The following PGM5 variants were observed in gnomAD, a reference collection of about 807,000 sequenced individuals.
PGM5 encodes phosphoglucomutase-like protein 5.
A neutral mutation model predicts 59.2 loss-of-function variants in PGM5; 23 were observed. That is an observed-to-expected ratio of 0.39 (90% CI 0.28 to 0.55). The LOEUF is 0.55. Ranked by LOEUF, PGM5 falls within the 20% of genes least tolerant of loss-of-function variation. The pLI is 0.66. For missense variants in PGM5, 574 were observed against 748.3 expected (o/e 0.77, Z 2.72); for synonymous variants, 214 against 286.0 (o/e 0.75, Z 2.54).
rs1824246120 is a variant in PGM5 at position 68,484,035 on chromosome 9, T to A, written c.1466T>A (p.Val489Glu). Residue 489 changes from valine (V) to glutamate (E), a missense_variant, in exon 9 of 11, where the codon GTG becomes GAG. Around this residue, in one of 7 missense-constraint regions of PGM5, gnomAD observed 300 missense variants for 280.0 expected, o/e 1.07. Transcript: ENST00000396396. ...FEYVDPVDGT[V>E]TKKQGLRIIF... ...TACGTGGACCCTGTGGATGGCACTG[T>A]GACCAAGAAACAGGTACTTGCTAGG... 6.2e-7 allele frequency: 1 copy of A among 1,613,290 alleles called. No homozygotes were observed. Among genetic ancestry groups the A allele is most frequent in the Admixed American group, 1.7e-5 (1 of 60,010 alleles).
chr9:68,461,357 T>C lies in PGM5; in HGVS notation c.1044-3736T>C, dbSNP rs1319064336. Among the ~76,000 whole-genome samples, 3 of 152,200 alleles carry C rather than the reference T, an allele frequency of 2.0e-5. No individual in the cohort carries two copies. In the East Asian group the frequency reaches 5.8e-4, roughly 29 times the overall value. Reference sequence around the variant, plus strand: ...AACTCAGTCACATGGCCACAGCTAATTTCAAGGGAGGTTGAGAACTACAGT... The same window carrying C: ...AACTCAGTCACATGGCCACAGCTAACTTCAAGGGAGGTTGAGAACTACAGT... On this transcript the variant is annotated intron_variant, in intron 6 of 10. Transcript: ENST00000396396.
intron 10 of PGM5, among the ~76,000 whole-genome samples, chr9:68,516,420 A>C (rs1176155148): frequency 6.6e-6 from 1 of 152,188 alleles, no homozygotes; most frequent in Non-Finnish European, 1.5e-5. Context: ...GCCCTTTCTT[A>C]GAAGGCTGTA....
At chr9:68,511,272 T>C (rs1824745062) in intron 10 of PGM5, among the ~76,000 whole-genome samples, 1 of 152,208 alleles carries the variant, frequency 6.6e-6, no homozygotes, top group African/African-American at 2.4e-5. Flanking sequence ...GAATTTGGTA[T>C]CTTACTGCTA....
chr9:68,486,303 C>T (rs920633605), intron 9 of PGM5, among the ~76,000 whole-genome samples: 13 of 151,952 alleles, frequency 8.6e-5, no homozygotes, highest in Middle Eastern at 3.2e-3. Context: ...AGATGGTTCT[C>T]TCATTTAAAG....
Position 68,451,553 on chromosome 9 carries a change from G to A in PGM5, c.1044-13540G>A, listed in dbSNP as rs956324819. ...TATTTTTGGTATGATATGGGATGGGGCCTCATAAACACACATTCAGAGAGT... is the reference window on the plus strand; with the variant it reads ...TATTTTTGGTATGATATGGGATGGGACCTCATAAACACACATTCAGAGAGT... On this transcript the variant is annotated intron_variant, in intron 6 of 10. Transcript: ENST00000396396. Among the ~76,000 whole-genome samples the A allele has an allele frequency of 3.9e-5, 6 of 152,290 alleles. 1 individual carries two copies. The highest frequency in any genetic ancestry group is 3.9e-4 in the Admixed American group (6 of 15,300).
intron 6 of PGM5, among the ~76,000 whole-genome samples, chr9:68,438,014 G>T (rs115399274): frequency 0.024 from 3,597 of 152,214 alleles, 130 homozygotes; most frequent in African/African-American, 0.08. Context: ...CTGGCCAGGC[G>T]AGGTGGCTCA....
intron 4 of PGM5, 121 bp from the exon 5 acceptor site, chr9:68,391,408 TAAAAC>T (rs1822360486): frequency 1.3e-6 from 1 of 751,740 alleles, no homozygotes; most frequent in Non-Finnish European, 2.1e-6. Context: ...ATTGTATCTT[TAAAAC>T]GATTGTAAAT....
intron 7 of PGM5, among the ~76,000 whole-genome samples, chr9:68,469,583 A>G (rs1554686097): frequency 1.3e-5 from 2 of 152,166 alleles, no homozygotes; most frequent in East Asian, 3.9e-4. Flanking sequence ...GTGTGTGTGT[A>G]TTCTGTGTCA....
intron 1 of PGM5, among the ~76,000 whole-genome samples, chr9:68,376,787 T>TTCTTTC (rs1455596476): frequency 9.7e-6 from 1 of 103,092 alleles, no homozygotes; most frequent in Non-Finnish European, 2.0e-5. Context: ...CTTTCTTTCT[T>TTCTTTC]TCTTTCTTTC....
chr9:68,513,548 C>T (rs1564026643), intron 10 of PGM5, among the ~76,000 whole-genome samples: 1 of 152,112 alleles, frequency 6.6e-6, no homozygotes, highest in Non-Finnish European at 1.5e-5. Context: ...CAGTAGTGAC[C>T]CCAAGCCAGG....
At chr9:68,500,444 G>A (rs1554688565) in intron 10 of PGM5, among the ~76,000 whole-genome samples, 1 of 151,912 alleles carries the variant, frequency 6.6e-6, no homozygotes, top group Non-Finnish European at 1.5e-5. Context: ...GATGGGACAG[G>A]AGAGGCTGGA....
chr9:68,459,515 T>G (rs180952994), intron 6 of PGM5, among the ~76,000 whole-genome samples: 6 of 152,216 alleles, frequency 3.9e-5, no homozygotes, highest in Non-Finnish European at 7.3e-5. Flanking sequence ...CATTCATTCT[T>G]GTTGTTTCAT....
intron 6 of PGM5, chr9:68,395,932 C>T (rs1356513607): frequency 1.3e-5 from 2 of 151,766 alleles, no homozygotes; most frequent in Admixed American, 1.3e-4. Context: ...CATGTTTTCT[C>T]CCATTTACCT....
At chr9:68,517,383 A>G (rs1459757798) in intron 10 of PGM5, among the ~76,000 whole-genome samples, 1 of 152,178 alleles carries the variant, frequency 6.6e-6, no homozygotes, top group Non-Finnish European at 1.5e-5. Context: ...GAAAAAGAGA[A>G]AATTTAAATT....
chr9:68,491,146 C>G (rs934834151), intron 9 of PGM5, among the ~76,000 whole-genome samples: 18 of 152,194 alleles, frequency 1.2e-4, no homozygotes, highest in African/African-American at 4.1e-4. Context: ...GTATTCAGGA[C>G]AGTTGAGATT....
chr9:68,396,434 G>A (rs1361802135), intron 6 of PGM5: 1 of 152,170 alleles, frequency 6.6e-6, no homozygotes, highest in Non-Finnish European at 1.5e-5. Flanking sequence ...GGGGAGGCTG[G>A]TTTTATTCTG....
chr9:68,503,977 T>C (rs1824618202), intron 10 of PGM5, among the ~76,000 whole-genome samples: 1 of 152,130 alleles, frequency 6.6e-6, no homozygotes, highest in Admixed American at 6.5e-5. Flanking sequence ...GGGCCAGAGA[T>C]TTTGCATTTC....
chr9:68,466,268 GTGTT>G, intron 7 of PGM5: 2 of 758,696 alleles, frequency 2.6e-6, no homozygotes. Context: ...CCGATACTGT[GTGTT>G]TTTTTTTTTT....
intron 10 of PGM5, among the ~76,000 whole-genome samples, chr9:68,501,919 C>A (rs782753060): frequency 5.3e-5 from 8 of 152,208 alleles, no homozygotes; most frequent in Non-Finnish European, 8.8e-5. Context: ...TCATAACAAT[C>A]CTAGTGATGC....
Sources: allele counts gnomAD v4.1 joint callset (sites outside exome capture counted in the v4.1 genomes callset), GRCh38; gene constraint gnomAD v4.1.1; regional missense constraint gnomAD v4.1.1; transcripts MANE v1.5; gene names NCBI Gene and HGNC (gene_info 2026-07-23, HGNC 2026-07-21).